Variants in RAPGEF4 observed in about 807,000 individuals in gnomAD.
The protein encoded by RAPGEF4 is Rap guanine nucleotide exchange factor 4.
In RAPGEF4, 66 loss-of-function variants were observed where a neutral mutation model predicts 147.9. The observed-to-expected ratio is 0.45, with a 90% CI of 0.37 to 0.55. The LOEUF is 0.55. RAPGEF4 is among the 20% of genes least tolerant of loss of function. The probability of loss-of-function intolerance (pLI) is 0.00; values close to 1 mark genes in which losing one functional copy is unlikely to be tolerated. For synonymous variants in RAPGEF4, 419 were observed against 442.7 expected (o/e 0.95, Z 0.67); for missense variants, 1,071 against 1,257.3 (o/e 0.85, Z 2.24).
chr2:172,736,613 C>G (rs1277465973), intron 1 of RAPGEF4, among the ~76,000 whole-genome samples: 1 of 152,160 alleles, frequency 6.6e-6, no homozygotes, highest in Non-Finnish European at 1.5e-5. Flanking sequence ...AGGCTGCTTT[C>G]GTCTTAATAC....
intron 1 of RAPGEF4, among the ~76,000 whole-genome samples, chr2:172,756,789 T>A (rs1197571729): frequency 6.6e-6 from 1 of 152,230 alleles, no homozygotes; most frequent in African/African-American, 2.4e-5. Flanking sequence ...TGCTATCCCT[T>A]GCAGAAATGA....
At chr2:173,039,141 T>A (rs1192425854) in intron 29 of RAPGEF4, among the ~76,000 whole-genome samples, 1 of 152,166 alleles carries the variant, frequency 6.6e-6, no homozygotes, top group Non-Finnish European at 1.5e-5. Context: ...ATAAGCAAGA[T>A]CAGCTTATTT....
In RAPGEF4 at chr2:173,051,885, A is replaced by G. The variant is rs1311762157; in HGVS notation, c.*118A>G. ...AATTCTACAAAACAAGCAAAAACAC[A>G]TCCTGAGACACCTCAGGGCTGCATT... On this transcript the variant is annotated 3_prime_UTR_variant, in exon 31 of 31. Coordinates refer to ENST00000397081, the MANE Select transcript of RAPGEF4 (RefSeq NM_007023.4). The G allele has an allele frequency of 1.1e-4, 132 of 1,203,792 alleles. 1 individual carries two copies. The highest frequency in any genetic ancestry group is 1.2e-6 in the Non-Finnish European group (1 of 849,412). The allele number at this position is 1,203,792 out of a possible 1,614,324, so 74.6% of individuals were successfully genotyped here.
Position 172,863,871 on chromosome 2 carries a change from C to G in RAPGEF4, c.444+49446C>G, listed in dbSNP as rs915046601. 2.0e-5 allele frequency among the ~76,000 whole-genome samples: 3 copies of G among 152,134 alleles called. No individual in the cohort carries two copies. The South Asian group carries it at 6.2e-4, about 32-fold the overall frequency. ...GTACAATTGCAATAAAAATTAATAG[C>G]AAAACCACTTTTCATGTTAATAATT... is the stretch of plus-strand genomic sequence containing the variant. On this transcript the variant is annotated intron_variant, in intron 4 of 30. Coordinates refer to ENST00000397081, the MANE Select transcript of RAPGEF4 (RefSeq NM_007023.4).
At chr2:172,762,131 A>AAACG in intron 1 of RAPGEF4, among the ~76,000 whole-genome samples, 1 of 152,276 alleles carries the variant, frequency 6.6e-6, no homozygotes, top group East Asian at 1.9e-4. Context: ...ACAAACAAAC[A>AAACG]AAAAACAAAC....
chr2:173,006,053 G>A (rs1694452089), intron 17 of RAPGEF4, among the ~76,000 whole-genome samples: 1 of 152,124 alleles, frequency 6.6e-6, no homozygotes, highest in Admixed American at 6.6e-5. Flanking sequence ...AGCTAGACTG[G>A]GCCAATGGAA....
intron 1 of RAPGEF4, among the ~76,000 whole-genome samples, chr2:172,742,733 T>C (rs893078952): frequency 1.3e-5 from 2 of 152,220 alleles, no homozygotes; most frequent in Non-Finnish European, 2.9e-5. Flanking sequence ...AATTCTGTTG[T>C]GCTGATTTTA....
chr2:172,854,550 G>GT (rs1229736413), intron 4 of RAPGEF4, among the ~76,000 whole-genome samples: 1 of 151,982 alleles, frequency 6.6e-6, no homozygotes, highest in Non-Finnish European at 1.5e-5. Flanking sequence ...TAATTGGAGT[G>GT]TTTAGTCCAT....
At chr2:172,741,577 C>A (rs1028105004) in intron 1 of RAPGEF4, among the ~76,000 whole-genome samples, 1 of 152,068 alleles carries the variant, frequency 6.6e-6, no homozygotes, top group Non-Finnish European at 1.5e-5. Context: ...TCCTTAAATC[C>A]TCACCCACCT....
rs143610222 is a variant in RAPGEF4, at chr2:172,901,480, A to G, written c.445-16322A>G. ...TTCATCCTATCTCCAAATCACTAACATTATGTTTGTAGGTCTTCATGCATT... is the reference window on the plus strand; with the variant it reads ...TTCATCCTATCTCCAAATCACTAACGTTATGTTTGTAGGTCTTCATGCATT... On this transcript the variant is annotated intron_variant, in intron 4 of 30. Transcript: ENST00000397081. Among the ~76,000 whole-genome samples, 831 of 152,322 alleles carry G rather than the reference A, an allele frequency of 5.5e-3. 7 individuals carry two copies. Among genetic ancestry groups the G allele is most frequent in the African/African-American group, 0.019 (783 of 41,556 alleles).
At chr2:172,847,817 T>G (rs1171360700) in intron 4 of RAPGEF4, among the ~76,000 whole-genome samples, 1 of 152,208 alleles carries the variant, frequency 6.6e-6, no homozygotes, top group African/African-American at 2.4e-5. Context: ...TAATCTACTT[T>G]AATAGGACCA....
intron 16 of RAPGEF4, among the ~76,000 whole-genome samples, chr2:173,000,289 A>T (rs959629670): frequency 2.6e-5 from 4 of 152,244 alleles, no homozygotes; most frequent in Non-Finnish European, 5.9e-5. Context: ...GACTTCACCA[A>T]TAAAATTTCA....
intron 1 of RAPGEF4, among the ~76,000 whole-genome samples, chr2:172,792,500 C>T (rs1349029302): frequency 6.6e-6 from 1 of 152,182 alleles, no homozygotes; most frequent in Non-Finnish European, 1.5e-5. Context: ...ATTTCCCTTC[C>T]TCTTCCCCAG....
At chr2:172,761,830 C>T (rs529238220) in intron 1 of RAPGEF4, among the ~76,000 whole-genome samples, 8 of 147,972 alleles carry the variant, frequency 5.4e-5, no homozygotes, top group Admixed American at 1.3e-4. Flanking sequence ...CTTAAAAAAA[C>T]ATGCTGCTTT....
chr2:172,839,742 C>A (rs1344873305), intron 4 of RAPGEF4, among the ~76,000 whole-genome samples: 2 of 152,190 alleles, frequency 1.3e-5, no homozygotes, highest in Non-Finnish European at 2.9e-5. Context: ...ATACCTCTGA[C>A]AGCTTTATCA....
At chr2:172,773,106 C>T (rs1683794147) in intron 1 of RAPGEF4, among the ~76,000 whole-genome samples, 1 of 152,056 alleles carries the variant, frequency 6.6e-6, no homozygotes, top group Non-Finnish European at 1.5e-5. Flanking sequence ...AAGATGATTC[C>T]TGTTGGCTGG....
At chr2:172,877,321 A>T (rs1397671555) in intron 4 of RAPGEF4, among the ~76,000 whole-genome samples, 2 of 152,104 alleles carry the variant, frequency 1.3e-5, no homozygotes, top group African/African-American at 4.8e-5. Flanking sequence ...GAAAAATGAG[A>T]ACATATGGAC....
chr2:172,782,804 A>G (rs1411723088), intron 1 of RAPGEF4, among the ~76,000 whole-genome samples: 1 of 152,170 alleles, frequency 6.6e-6, no homozygotes, highest in East Asian at 1.9e-4. Flanking sequence ...TTTCAGAGGG[A>G]CAATTATGGT....
chr2:172,945,426 A>G (rs1002975655), intron 6 of RAPGEF4, among the ~76,000 whole-genome samples: 2 of 152,138 alleles, frequency 1.3e-5, no homozygotes, highest in African/African-American at 4.8e-5. Context: ...CTTAAAGGTT[A>G]TCAGAATTAT....
Sources: gnomAD v4.1 joint callset for allele counts (sites outside exome capture counted in the v4.1 genomes callset) on GRCh38, gnomAD v4.1.1 for gene constraint, MANE v1.5 for transcripts, NCBI Gene and HGNC (gene_info 2026-07-23, HGNC 2026-07-21) for gene names.